JMJD1C: variants seen among roughly 807,000 people sequenced by gnomAD.
JMJD1C encodes jumonji domain containing 1C.
Under a neutral mutation model 245.3 loss-of-function variants are expected in JMJD1C, and 31 were observed. The ratio of observed to expected loss-of-function variants is 0.13; its 90% CI spans 0.09 to 0.17. The LOEUF is 0.17. JMJD1C is among the 10% of genes least tolerant of loss of function. The probability of loss-of-function intolerance (pLI) is 1.00; values close to 1 mark genes in which losing one functional copy is unlikely to be tolerated. For missense variants in JMJD1C, 2,691 were observed against 3,000.2 expected, an observed-to-expected ratio of 0.90 and a Z score of 2.41; for synonymous variants, 1,057 against 1,017.4, an observed-to-expected ratio of 1.04 and a Z score of -0.74.
intron 3 of JMJD1C, among the ~76,000 whole-genome samples, chr10:63,229,244 T>G (rs1275471664): frequency 2.0e-5 from 3 of 152,138 alleles, no homozygotes; most frequent in Middle Eastern, 3.2e-3. Flanking sequence ...TATACAAAAT[T>G]TCATCATTTG....
intron 3 of JMJD1C, among the ~76,000 whole-genome samples, chr10:63,243,657 A>AT (rs140746518): frequency 0.051 from 7,816 of 152,254 alleles, 299 homozygotes; most frequent in African/African-American, 0.11. Context: ...AATTAAATTG[A>AT]TAAAAAATAC....
Position 63,177,865 on chromosome 10 carries a change from A to C in JMJD1C, c.7085-9T>G. On this transcript the variant is annotated splice_polypyrimidine_tract_variant and intron_variant, in intron 22 of 25. Transcript: ENST00000399262. ...AAATTTCTTGAGAATTCCTGAAACAAAGGAACATAATTTCAAATTGTCGGC... is the reference window on the plus strand; with the variant it reads ...AAATTTCTTGAGAATTCCTGAAACACAGGAACATAATTTCAAATTGTCGGC... 1.9e-6 allele frequency: 3 copies of C among 1,610,980 alleles called. No individual in the cohort carries two copies.
chr10:63,408,085 A>C (rs891058943), intron 1 of JMJD1C, among the ~76,000 whole-genome samples: 1 of 152,146 alleles, frequency 6.6e-6, no homozygotes, highest in African/African-American at 2.4e-5. Context: ...AAAACTGAAA[A>C]GCAACTCCTC....
intron 3 of JMJD1C, among the ~76,000 whole-genome samples, chr10:63,244,759 G>A (rs1460948955): frequency 3.8e-5 from 5 of 129,994 alleles, no homozygotes; most frequent in African/African-American, 1.2e-4. Context: ...CTACAATCAC[G>A]CCACTGCATT....
chr10:63,384,442 C>T (rs1947435653), intron 1 of JMJD1C, among the ~76,000 whole-genome samples: 2 of 152,140 alleles, frequency 1.3e-5, no homozygotes, highest in African/African-American at 4.8e-5. Context: ...ATTCCTTGAT[C>T]TATGGGCTGC....
intron 2 of JMJD1C, among the ~76,000 whole-genome samples, chr10:63,339,005 G>A (rs1943129984): frequency 6.6e-6 from 1 of 152,136 alleles, no homozygotes; most frequent in South Asian, 2.1e-4. Flanking sequence ...TTCACTTTAT[G>A]AAGATGTGAG....
chr10:63,450,053 C>T (rs1174796301), intron 1 of JMJD1C, among the ~76,000 whole-genome samples: 1 of 151,980 alleles, frequency 6.6e-6, no homozygotes, highest in African/African-American at 2.4e-5. Flanking sequence ...GTCCGGGCTA[C>T]AATGAGCTGT....
intron 2 of JMJD1C, among the ~76,000 whole-genome samples, chr10:63,307,927 A>T (rs912398006): frequency 6.6e-6 from 1 of 152,112 alleles, no homozygotes; most frequent in African/African-American, 2.4e-5. Flanking sequence ...AGGCAGGCGG[A>T]TCACTTGAGG....
At chr10:63,359,568 A>C (rs1370489966) in intron 2 of JMJD1C, among the ~76,000 whole-genome samples, 1 of 152,220 alleles carries the variant, frequency 6.6e-6, no homozygotes, top group Non-Finnish European at 1.5e-5. Context: ...TTACATAAAA[A>C]ATTGAATTTT....
chr10:63,402,044 G>GA lies in JMJD1C; in HGVS notation c.169-21563dup, dbSNP rs570994560. On this transcript the variant is annotated intron_variant, in intron 1 of 25. Transcript: ENST00000399262. Reference sequence around the variant, plus strand: ...AGCTACTCGGGAAGCTGAGGAAAGAGAATCGCTTGAACCTGGGAGGCAGAG... The same window carrying GA: ...AGCTACTCGGGAAGCTGAGGAAAGAGAAATCGCTTGAACCTGGGAGGCAGAG... 2.6e-5 allele frequency among the ~76,000 whole-genome samples: 4 copies of GA among 151,418 alleles called. No homozygotes were observed. In the South Asian group the frequency reaches 6.3e-4, roughly 24 times the overall value.
At chr10:63,394,118 T>C (rs1948286679) in intron 1 of JMJD1C, among the ~76,000 whole-genome samples, 1 of 147,212 alleles carries the variant, frequency 6.8e-6, no homozygotes, top group Non-Finnish European at 1.5e-5. Context: ...ATCCGGGAGG[T>C]AGTGGTTATA....
chr10:63,175,017 GACTAC>G (rs1842755400), intron 24 of JMJD1C, among the ~76,000 whole-genome samples: 1 of 152,130 alleles, frequency 6.6e-6, no homozygotes, highest in African/African-American at 2.4e-5. Context: ...TTACAAAAAT[GACTAC>G]ACTACCTAGG....
At chr10:63,240,973 T>C (rs1449782167) in intron 3 of JMJD1C, among the ~76,000 whole-genome samples, 1 of 152,178 alleles carries the variant, frequency 6.6e-6, no homozygotes, top group African/African-American at 2.4e-5. Flanking sequence ...CTAAGTCTAG[T>C]GGTTACATAA....
chr10:63,230,813 C>A (rs1478278595), intron 3 of JMJD1C, among the ~76,000 whole-genome samples: 1 of 151,712 alleles, frequency 6.6e-6, no homozygotes, highest in African/African-American at 2.4e-5. Flanking sequence ...ATTTGACCAC[C>A]ACATATTGCC....
intron 13 of JMJD1C, 43 bp from the exon 14 acceptor site, chr10:63,194,418 A>G (rs779610065): frequency 1.6e-6 from 2 of 1,261,980 alleles, no homozygotes; most frequent in Non-Finnish European, 2.3e-6. Context: ...ATGGTTTCAT[A>G]ATTATAAATT....
rs1950086935 is a variant in JMJD1C at position 63,420,862 on chromosome 10, CAAAACAAACAAAATCAACAAAGT to C, written c.169-40403_169-40381del. Among the ~76,000 whole-genome samples, 3 of 115,510 alleles carry C rather than the reference CAAAACAAACAAAATCAACAAAGT, an allele frequency of 2.6e-5. 1 individual carries two copies. The highest frequency in any genetic ancestry group is 2.3e-4 in the Admixed American group (3 of 13,104). 75.8% of individuals were successfully genotyped at this position (115,510 alleles called of 152,430 possible). A position where few individuals can be genotyped will look rare whatever the true frequency, so the allele number is the denominator to read the frequency against. On this transcript the variant is annotated intron_variant, in intron 1 of 25. Coordinates refer to ENST00000399262, the MANE Select transcript of JMJD1C (RefSeq NM_032776.3). ...GAGCAGAGCAGAAAACAACAAAGTA[CAAAACAAACAAAATCAACAAAGT>C]ACAAAACAAACATTGTATAATGGAG...
chr10:63,299,891 T>C (rs1431821169), intron 2 of JMJD1C, among the ~76,000 whole-genome samples: 1 of 152,074 alleles, frequency 6.6e-6, no homozygotes, highest in East Asian at 1.9e-4. Context: ...TTTTCAGTTT[T>C]TTTTTTTACA....
At chr10:63,470,814 C>A (rs1236937345), upstream of JMJD1C, among the ~76,000 whole-genome samples, 2 of 152,162 alleles carry the variant, frequency 1.3e-5, no homozygotes, top group Non-Finnish European at 2.9e-5. Flanking sequence ...TACTTTCTAT[C>A]CATCTGTTAT....
chr10:63,433,389 C>T (rs1054201159), intron 1 of JMJD1C, among the ~76,000 whole-genome samples: 16 of 152,092 alleles, frequency 1.1e-4, no homozygotes, highest in African/African-American at 3.9e-4. Flanking sequence ...TGCCACCGCG[C>T]CCGGCCTAAG....
Sources: allele counts gnomAD v4.1 joint callset (sites outside exome capture counted in the v4.1 genomes callset), GRCh38; gene constraint gnomAD v4.1.1; transcripts MANE v1.5; gene names NCBI Gene and HGNC (gene_info 2026-07-23, HGNC 2026-07-21).